The following RSPO1 variants were observed in gnomAD, a reference collection of about 807,000 sequenced individuals.
RSPO1 encodes R-spondin 1.
In RSPO1, 18 loss-of-function variants were observed where a neutral mutation model predicts 26.0. The ratio of observed to expected loss-of-function variants is 0.69; its 90% CI spans 0.48 to 1.03. RSPO1 has a LOEUF of 1.03. Among genes scored for constraint, RSPO1 ranks in the 50% least tolerant of loss-of-function variants. The probability of loss-of-function intolerance (pLI) is 0.00; values close to 1 mark genes in which losing one functional copy is unlikely to be tolerated. For synonymous variants in RSPO1, 133 were observed against 137.4 expected, an observed-to-expected ratio of 0.97 and a Z score of 0.22; for missense variants, 309 against 352.3, an observed-to-expected ratio of 0.88 and a Z score of 0.98.
chr1:37,615,834 A>T (rs1644102502), intron 4 of RSPO1, among the ~76,000 whole-genome samples: 1 of 152,216 alleles, frequency 6.6e-6, no homozygotes, highest in Non-Finnish European at 1.5e-5. Flanking sequence ...AGAGTGGAAG[A>T]GCAGGCTGCC....
chr1:37,612,649 A>AGT lies in RSPO1; in HGVS notation c.*104_*105dup. 8.7e-7 allele frequency: 1 copy of AGT among 1,152,422 alleles called. No individual in the cohort carries two copies. The highest frequency in any genetic ancestry group is 1.3e-6 in the Non-Finnish European group (1 of 775,568). The allele number at this position is 1,152,422 out of a possible 1,614,324, so 71.4% of individuals were successfully genotyped here. ...GTCTATGTATGCATGGATGGATTGG[A>AGT]GTGTGTGTGTATGCTTTGCCCCCGA... On this transcript the variant is annotated 3_prime_UTR_variant, in exon 7 of 7. Coordinates refer to ENST00000356545, the MANE Select transcript of RSPO1 (RefSeq NM_001242908.2).
At chr1:37,614,028 C>T (rs1407461981) in intron 5 of RSPO1, 136 bp from the exon 6 acceptor site, 1 of 1,327,016 alleles carries the variant, frequency 7.5e-7, no homozygotes, top group Admixed American at 1.9e-5. Flanking sequence ...ATCTTTAGTC[C>T]AGAGGGCAGA....
At position 37,614,173 on chromosome 1, in the gene RSPO1, C is replaced by T. The variant is rs772831448; in HGVS notation, c.436+11G>A. The T allele has an allele frequency of 6.2e-7, 1 of 1,611,954 alleles. No individual in the cohort carries two copies. The highest frequency in any genetic ancestry group is 2.2e-5 in the East Asian group (1 of 44,858). ...CTGGACCCTCTGCCCACAGTGCCTGCCATGGCTTACCAGGACTACTGCACT... is the reference window on the plus strand; with the variant it reads ...CTGGACCCTCTGCCCACAGTGCCTGTCATGGCTTACCAGGACTACTGCACT... On this transcript the variant is annotated intron_variant, in intron 5 of 6. Coordinates refer to ENST00000356545, the MANE Select transcript of RSPO1 (RefSeq NM_001242908.2).
chr1:37,614,407 C>T (rs141380806), intron 4 of RSPO1, 74 bp from the exon 5 acceptor site: 1 of 1,558,930 alleles, frequency 6.4e-7, no homozygotes, highest in Non-Finnish European at 8.8e-7. Context: ...AGCCCCAATA[C>T]CCTCCCTTCT....
At chr1:37,629,980 C>T (rs561421026) in intron 2 of RSPO1, 31 bp from the exon 3 acceptor site, 2 of 977,906 alleles carry the variant, frequency 2.0e-6, no homozygotes, top group East Asian at 5.2e-5. Context: ...AGGGTTAATT[C>T]TGTAGTACCA....
chr1:37,632,118 C>T (rs4233214), intron 2 of RSPO1, 169 bp downstream of exon 2: 29,908 of 152,170 alleles, frequency 0.2, 3,623 homozygotes, highest in East Asian at 0.48. Flanking sequence ...CACAAAATGT[C>T]CCCTATGCAT....
chr1:37,614,354 G>A (rs1249939389), intron 4 of RSPO1, 21 bp from the exon 5 acceptor site: 4 of 1,613,110 alleles, frequency 2.5e-6, no homozygotes, highest in Admixed American at 3.3e-5. Flanking sequence ...GACAGATTGG[G>A]GGCTTCTGGC....
chr1:37,616,380 G>A (rs1644111908), intron 4 of RSPO1, 104 bp downstream of exon 4: 1 of 1,054,840 alleles, frequency 9.5e-7, no homozygotes, highest in Non-Finnish European at 1.4e-6. Context: ...CCTCTCCTCA[G>A]AGCCCCCTCT....
chr1:37,630,400 T>C (rs1203869460), intron 2 of RSPO1, among the ~76,000 whole-genome samples: 2 of 152,200 alleles, frequency 1.3e-5, no homozygotes, highest in African/African-American at 4.8e-5. Context: ...CCCATGTGCC[T>C]TTCACCTGTC....
chr1:37,629,492 C>T, intron 3 of RSPO1, 76 bp downstream of exon 3: 5 of 1,215,284 alleles, frequency 4.1e-6, no homozygotes, highest in South Asian at 2.4e-5. Flanking sequence ...AATAAAACTC[C>T]TGAAGACCCC....
chr1:37,629,107 G>A (rs1644319531), intron 3 of RSPO1, among the ~76,000 whole-genome samples: 1 of 152,220 alleles, frequency 6.6e-6, no homozygotes, highest in African/African-American at 2.4e-5. Context: ...GATCTGGGCA[G>A]GGGAAGCCCT....
chr1:37,616,227 G>C (rs1644109458), intron 4 of RSPO1, among the ~76,000 whole-genome samples: 1 of 152,154 alleles, frequency 6.6e-6, no homozygotes, highest in African/African-American at 2.4e-5. Context: ...ACTCAGGGCT[G>C]TGGCTTGGGT....
Position 37,613,763 on chromosome 1 carries a change from G to A in RSPO1, c.566C>T (p.Ala189Val), listed in dbSNP as rs577494522. The A allele has an allele frequency of 6.2e-7, 1 of 1,613,884 alleles. No homozygotes were observed. Among genetic ancestry groups the A allele is most frequent in the Non-Finnish European group, 8.5e-7 (1 of 1,180,026 alleles). ...VLHAPVGDHAACSDTKETRRC... is the reference protein window; with the variant it reads ...VLHAPVGDHAVCSDTKETRRC... Reference sequence around the variant, plus strand: ...CCGGGTCTCCTTGGTGTCAGAGCAGGCAGCATGGTCCCCCACAGGGGCATG... The same window carrying A: ...CCGGGTCTCCTTGGTGTCAGAGCAGACAGCATGGTCCCCCACAGGGGCATG... The change falls in exon 6 of 7, where the codon GCC (alanine) becomes GTC (valine). Residue 189 changes from alanine to valine, a missense_variant. Physicochemically the swap from Ala to Val is moderately conservative, Grantham distance 64. Coordinates refer to ENST00000356545, the MANE Select transcript of RSPO1 (RefSeq NM_001242908.2). This position sits in a 1 kb window ranked among gnomAD's most constrained non-coding sequence, Gnocchi z 4.5.
intron 3 of RSPO1, among the ~76,000 whole-genome samples, chr1:37,624,687 G>A (rs888283232): frequency 2.6e-5 from 4 of 152,116 alleles, no homozygotes; most frequent in Non-Finnish European, 5.9e-5. Context: ...GCCCCTCCCC[G>A]CTAGGGGCTT....
chr1:37,623,539 A>C (rs1317186924), intron 3 of RSPO1, among the ~76,000 whole-genome samples: 1 of 151,852 alleles, frequency 6.6e-6, no homozygotes, highest in East Asian at 2.0e-4. Flanking sequence ...ACACAGGAGG[A>C]ACAGCCAGTG....
chr1:37,633,535 G>T (rs1644391877), intron 1 of RSPO1, among the ~76,000 whole-genome samples: 1 of 152,324 alleles, frequency 6.6e-6, no homozygotes, highest in African/African-American at 2.4e-5. Flanking sequence ...ACTCCATCAG[G>T]GGCCCGATAC....
chr1:37,630,870 G>T (rs997501198), intron 2 of RSPO1, among the ~76,000 whole-genome samples: 3 of 152,194 alleles, frequency 2.0e-5, no homozygotes, highest in African/African-American at 7.2e-5. Flanking sequence ...GAGCATGCAG[G>T]CCAATAGCAC....
Position 37,612,569 on chromosome 1 carries a change from G to T in RSPO1, c.*186C>A. The stretch of plus-strand genomic sequence containing the variant: ...TCTGCGTGTGTACATGAACACACAT[G>T]TGCAAGTATGTATGGTTGTATATGT... On this transcript the variant is annotated 3_prime_UTR_variant, in exon 7 of 7. Transcript: ENST00000356545. 1 of 676,776 alleles carries T rather than the reference G, an allele frequency of 1.5e-6. No homozygotes were observed. Among genetic ancestry groups the T allele is most frequent in the Non-Finnish European group, 2.7e-6 (1 of 374,128 alleles). 41.9% of individuals were successfully genotyped at this position (676,776 alleles called of 1,614,324 possible). A position where few individuals can be genotyped will look rare whatever the true frequency, so the allele number is the denominator to read the frequency against.
chr1:37,633,372 C>G (rs1644386885), intron 1 of RSPO1, among the ~76,000 whole-genome samples: 1 of 152,062 alleles, frequency 6.6e-6, no homozygotes, highest in Non-Finnish European at 1.5e-5. Context: ...GAAGGGAGAC[C>G]AAAGCGAGAG....
Sources: gnomAD v4.1 joint callset for allele counts (sites outside exome capture counted in the v4.1 genomes callset) on GRCh38, gnomAD v4.1.1 for gene constraint, Gnocchi (gnomAD v3.1) non-coding constraint, MANE v1.5 for transcripts, NCBI Gene and HGNC (gene_info 2026-07-23, HGNC 2026-07-21) for gene names.